The following CFAP47 variants were observed in gnomAD, a reference collection of about 807,000 sequenced individuals.
CFAP47 encodes cilia and flagella associated protein 47.
A neutral mutation model predicts 148.1 loss-of-function variants in CFAP47; 29 were observed. The observed-to-expected ratio is 0.20, with a 90% CI of 0.15 to 0.27. The LOEUF is 0.27. Among genes scored for constraint, CFAP47 ranks in the 10% least tolerant of loss-of-function variants. The probability of loss-of-function intolerance (pLI) is 1.00; values close to 1 mark genes in which losing one functional copy is unlikely to be tolerated. For missense variants in CFAP47, 1,872 were observed against 1,697.5 expected (o/e 1.10, Z -1.81); for synonymous variants, 664 against 577.3 (o/e 1.15, Z -2.15).
intron 42 of CFAP47, among the ~76,000 whole-genome samples, chrX:36,195,212 A>G (rs1038452984): frequency 2.7e-5 from 3 of 112,716 alleles, no homozygotes; most frequent in African/African-American, 9.7e-5. Context: ...TCTGTATGAT[A>G]GTGAAGACAG....
intron 22 of CFAP47, among the ~76,000 whole-genome samples, chrX:36,029,822 A>G (rs926711252): frequency 8.2e-5 from 9 of 110,208 alleles, no homozygotes; most frequent in Non-Finnish European, 1.7e-4. Context: ...GAATTTCCCA[A>G]TATTTTTCTT....
chrX:36,228,432 T>C (rs1940296084), intron 45 of CFAP47, among the ~76,000 whole-genome samples, 196 bp from the exon 46 acceptor site: 1 of 110,929 alleles, frequency 9.0e-6, no homozygotes. Context: ...CTCTGACCAG[T>C]GCAGTATATA....
intron 33 of CFAP47, among the ~76,000 whole-genome samples, chrX:36,116,186 T>C (rs1453284163): frequency 8.9e-6 from 1 of 111,880 alleles, no homozygotes; most frequent in Non-Finnish European, 1.9e-5. Flanking sequence ...TTGTATCCAA[T>C]AGATAATTTT....
At chrX:36,261,149 C>T (rs184463072) in intron 49 of CFAP47, among the ~76,000 whole-genome samples, 24 of 75,810 alleles carry the variant, frequency 3.2e-4, no homozygotes, top group African/African-American at 1.8e-3. Context: ...TTTCCTTTTG[C>T]AAGTAATTTA....
At chrX:36,171,619 G>C (rs912942004) in intron 39 of CFAP47, among the ~76,000 whole-genome samples, 1 of 110,669 alleles carries the variant, frequency 9.0e-6, no homozygotes, top group South Asian at 3.9e-4. Context: ...GATATGTGGC[G>C]TTATTTCTGA....
intron 33 of CFAP47, among the ~76,000 whole-genome samples, chrX:36,132,390 T>C (rs999076147): frequency 8.9e-6 from 1 of 111,813 alleles, no homozygotes; most frequent in Non-Finnish European, 1.9e-5. Context: ...CAGACGATAA[T>C]GTGAATACTT....
chrX:36,106,463 G>A (rs143171558), intron 33 of CFAP47, among the ~76,000 whole-genome samples: 17 of 111,674 alleles, frequency 1.5e-4, no homozygotes, highest in Non-Finnish European at 2.4e-4. Flanking sequence ...AGATCTAAAG[G>A]CTGAGAAGTC....
chrX:36,032,971 A>G (rs1268903172), intron 23 of CFAP47, among the ~76,000 whole-genome samples: 2 of 111,356 alleles, frequency 1.8e-5, no homozygotes, highest in East Asian at 2.8e-4. Flanking sequence ...AAGGCCACCA[A>G]CTGAGGAATG....
In CFAP47 at chrX:36,064,278, A is replaced by C. The variant is rs149390999; in HGVS notation, c.4218-1365A>C. Among the ~76,000 whole-genome samples, 817 of 111,911 alleles carry C rather than the reference A, an allele frequency of 7.3e-3. 5 individuals are homozygous for C. The highest frequency in any genetic ancestry group is 0.025 in the African/African-American group (785 of 30,932). On this transcript the variant is annotated intron_variant, in intron 26 of 63. Transcript: ENST00000378653. ...GTTTAAGAATGATATCATATGGTAAAAATTACATATAGATATGAAATGTAA... is the reference window on the plus strand; with the variant it reads ...GTTTAAGAATGATATCATATGGTAACAATTACATATAGATATGAAATGTAA...
chrX:36,148,901 ATGTGTGTGTGTGTGTG>A (rs60968920), intron 36 of CFAP47, among the ~76,000 whole-genome samples, 191 bp from the exon 37 acceptor site: 3 of 92,261 alleles, frequency 3.3e-5, no homozygotes, highest in African/African-American at 1.2e-4. Flanking sequence ...AACTGTATGT[ATGTGTGTGTGTGTGTG>A]TGTGTGTGTG....
chrX:35,970,425 C>T (rs1463757712), intron 10 of CFAP47, among the ~76,000 whole-genome samples: 1 of 111,039 alleles, frequency 9.0e-6, no homozygotes, highest in Non-Finnish European at 1.9e-5. Flanking sequence ...AAACACTAGT[C>T]AGATACAGAT....
At chrX:36,273,284 G>A (rs906549056) in intron 49 of CFAP47, among the ~76,000 whole-genome samples, 3 of 111,564 alleles carry the variant, frequency 2.7e-5, no homozygotes, top group Non-Finnish European at 5.7e-5. Flanking sequence ...ATGTTTTACT[G>A]ACTGTGAAAA....
At position 35,920,264 on chromosome X, in the gene CFAP47, G is replaced by T. The variant is rs769491602; in HGVS notation, c.249+216G>T. 2.2e-4 allele frequency among the ~76,000 whole-genome samples: 25 copies of T among 111,341 alleles called. 1 individual carries two copies. In the East Asian group the frequency reaches 7.1e-3, roughly 32 times the overall value. On this transcript the variant is annotated intron_variant, in intron 1 of 63. Transcript: ENST00000378653. ...ATTAGGAGATGGGGAGGGCAGGGTGGAGAAAAGCTGACCTAGAGCCTCCCC... is the reference window on the plus strand; with the variant it reads ...ATTAGGAGATGGGGAGGGCAGGGTGTAGAAAAGCTGACCTAGAGCCTCCCC...
intron 63 of CFAP47, 118 bp downstream of exon 63, chrX:36,379,636 A>G: frequency 1.7e-6 from 1 of 589,197 alleles, no homozygotes; most frequent in Non-Finnish European, 2.7e-6. Flanking sequence ...TTTGCTGTGC[A>G]AAAATCAACT....
At chrX:36,073,861 G>A (rs1357848577) in intron 29 of CFAP47, among the ~76,000 whole-genome samples, 5 of 111,903 alleles carry the variant, frequency 4.5e-5, no homozygotes, top group Non-Finnish European at 1.9e-5. Flanking sequence ...TATATCAAGT[G>A]ACTTACTTCT....
intron 8 of CFAP47, among the ~76,000 whole-genome samples, chrX:35,956,857 T>C (rs1006185195): frequency 9.0e-6 from 1 of 111,404 alleles, no homozygotes; most frequent in Non-Finnish European, 1.9e-5. Flanking sequence ...TGGTAATTAG[T>C]GTTTTTGGAA....
intron 60 of CFAP47, among the ~76,000 whole-genome samples, chrX:36,356,303 C>A (rs1281363109): frequency 8.9e-6 from 1 of 111,753 alleles, no homozygotes; most frequent in Non-Finnish European, 1.9e-5. Flanking sequence ...AATACCACCA[C>A]ACTCAACAAG....
chrX:35,955,979 T>C lies in CFAP47; in HGVS notation c.1193T>C (p.Val398Ala). The C allele has an allele frequency of 8.3e-7, 1 of 1,210,609 alleles. No individual in the cohort carries two copies. ...KTIKSERFQK[V>A]ELALTGTGLP... ...TTTACAGGTGAACGATTTCAGAAAG[T>C]GGAATTAGCACTGACAGGCACAGGA... The change falls in exon 8 of 64, where the codon GTG becomes GCG. Residue 398 changes from valine (V) to alanine (A), a missense_variant. By Grantham distance (64) the Val-to-Ala change is moderately conservative (BLOSUM62 0). Coordinates refer to ENST00000378653, the MANE Select transcript of CFAP47 (RefSeq NM_001304548.2).
intron 15 of CFAP47, among the ~76,000 whole-genome samples, chrX:35,983,282 T>G (rs1936671155): frequency 8.9e-6 from 1 of 111,861 alleles, no homozygotes; most frequent in Non-Finnish European, 1.9e-5. Context: ...AGCTACTGAT[T>G]TTTATACATT....
Sources: allele counts gnomAD v4.1 joint callset (sites outside exome capture counted in the v4.1 genomes callset), GRCh38; gene constraint gnomAD v4.1.1; transcripts MANE v1.5; gene names NCBI Gene and HGNC (gene_info 2026-07-23, HGNC 2026-07-21).